The following TOGARAM1 variants were observed in gnomAD, a reference collection of about 807,000 sequenced individuals.
TOGARAM1 encodes the protein TOG array regulator of axonemal microtubules 1.
A neutral mutation model predicts 166.6 loss-of-function variants in TOGARAM1; 100 were observed. The observed-to-expected ratio is 0.60, with a 90% confidence interval of 0.51 to 0.71. The LOEUF (loss-of-function observed/expected upper bound fraction) is 0.71. TOGARAM1 is among the 30% of genes least tolerant of loss of function. The pLI is 0.00. For synonymous variants in TOGARAM1, 758 were observed against 763.8 expected (o/e 0.99, Z 0.13); for missense variants, 2,029 against 2,102.7 (o/e 0.96, Z 0.69).
chr14:45,007,081 T>G (rs1371219663), intron 5 of TOGARAM1: 1 of 151,932 alleles, frequency 6.6e-6, no homozygotes, highest in African/African-American at 2.4e-5. Flanking sequence ...AAAAAAAGTT[T>G]TATATTACAT....
intron 7 of TOGARAM1, among the ~76,000 whole-genome samples, chr14:45,023,681 T>A (rs1250569779): frequency 6.6e-6 from 1 of 152,172 alleles, no homozygotes; most frequent in Non-Finnish European, 1.5e-5. Flanking sequence ...CTTGCCCCGT[T>A]GGCAAGCTTA....
At chr14:45,055,777 C>T (rs1180260364) in intron 16 of TOGARAM1, among the ~76,000 whole-genome samples, 3 of 129,870 alleles carry the variant, frequency 2.3e-5, no homozygotes, top group African/African-American at 6.4e-5. Context: ...GGATTCCAGC[C>T]TGGGCAGAGT....
rs1301013890 is a variant in TOGARAM1 at position 45,015,307 on chromosome 14, A to T, written c.3238+3232A>T. Among the ~76,000 whole-genome samples, 14 of 146,788 alleles carry T rather than the reference A, an allele frequency of 9.5e-5. No homozygotes were observed. The East Asian group carries it at 1.6e-3, about 17-fold the overall frequency. On this transcript the variant is annotated intron_variant, in intron 7 of 19. Transcript: ENST00000361462. ...ATGACAGAGCAAGAGCCTATCTCAA[A>T]AAATAAATAAATAAATAAATAAATA...
chr14:44,985,115 G>A (rs1040825850), intron 1 of TOGARAM1, among the ~76,000 whole-genome samples: 1 of 152,082 alleles, frequency 6.6e-6, no homozygotes. Flanking sequence ...CCAGGTTCAA[G>A]TGATTCTCCT....
chr14:44,976,121 C>G (rs1417728400), intron 1 of TOGARAM1, among the ~76,000 whole-genome samples: 2 of 152,090 alleles, frequency 1.3e-5, no homozygotes, highest in East Asian at 1.9e-4. Context: ...AAATCTCACC[C>G]CGATAACACT....
At chr14:45,035,312 A>T (rs1313509973) in intron 11 of TOGARAM1, among the ~76,000 whole-genome samples, 3 of 152,000 alleles carry the variant, frequency 2.0e-5, no homozygotes, top group Non-Finnish European at 4.4e-5. Context: ...GTGAGCTGAG[A>T]TCGTACCACT....
At chr14:44,993,958 A>T (rs1887279015) in intron 1 of TOGARAM1, among the ~76,000 whole-genome samples, 1 of 152,240 alleles carries the variant, frequency 6.6e-6, no homozygotes, top group African/African-American at 2.4e-5. Flanking sequence ...CTGTATTAAT[A>T]CATCATCTTT....
At chr14:44,985,884 T>G (rs1178461338) in intron 1 of TOGARAM1, among the ~76,000 whole-genome samples, 1 of 152,238 alleles carries the variant, frequency 6.6e-6, no homozygotes, top group Non-Finnish European at 1.5e-5. Context: ...TTGTTCAGGA[T>G]CTAAAGAGTT....
intron 10 of TOGARAM1, among the ~76,000 whole-genome samples, chr14:45,028,735 G>C (rs1268896337): frequency 6.6e-6 from 1 of 152,096 alleles, no homozygotes; most frequent in African/African-American, 2.4e-5. Flanking sequence ...TCAAGAGTAG[G>C]CTCTATGTTT....
At position 45,025,836 on chromosome 14, in the gene TOGARAM1, G is replaced by T. The variant is rs760924411; in HGVS notation, c.3292G>T (p.Ala1098Ser). 4.4e-6 allele frequency: 7 copies of T among 1,608,932 alleles called. No homozygotes were observed. In the East Asian group the frequency reaches 1.6e-4, roughly 36 times the overall value. Residue 1098 changes from alanine (A) to serine (S), a missense_variant, in exon 8 of 20, where the codon GCT (alanine) becomes TCT (serine). By Grantham distance (99) the Ala-to-Ser change is moderately conservative. Transcript: ENST00000361462. ...CAGTTTTGACTTCACAACCACAAAG[G>T]CTTTATCAGAAGACTCAGTAGTAGT... Reference protein sequence around the residue: ...ISSFDFTTTKALSEDSVVVVG... With the variant: ...ISSFDFTTTKSLSEDSVVVVG...
At chr14:45,031,183 A>G (rs1273167454) in intron 10 of TOGARAM1, among the ~76,000 whole-genome samples, 1 of 152,196 alleles carries the variant, frequency 6.6e-6, no homozygotes, top group African/African-American at 2.4e-5. Context: ...TCTAGTGACT[A>G]ATATTTCCTT....
chr14:44,963,557 T>C lies in TOGARAM1; in HGVS notation c.1136T>C (p.Leu379Pro). Residue 379 changes from leucine (L) to proline (P), a missense_variant, in exon 1 of 20, where the codon CTG (leucine) becomes CCG (proline). Physicochemically the swap from Leu to Pro is moderately conservative, Grantham distance 98. Transcript: ENST00000361462. ...TQAVEELKQV[L>P]GKFNPSSTPH... ...GCCGTCGAAGAACTAAAGCAGGTGCTGGGAAAATTTAACCCTAGTTCTACT... is the reference window on the plus strand; with the variant it reads ...GCCGTCGAAGAACTAAAGCAGGTGCCGGGAAAATTTAACCCTAGTTCTACT... The C allele has an allele frequency of 6.2e-7, 1 of 1,613,872 alleles. No individual in the cohort carries two copies. The highest frequency in any genetic ancestry group is 1.1e-5 in the South Asian group (1 of 91,064).
At chr14:45,018,392 A>C (rs1030206238) in intron 7 of TOGARAM1, among the ~76,000 whole-genome samples, 1 of 152,058 alleles carries the variant, frequency 6.6e-6, no homozygotes, top group African/African-American at 2.4e-5. Context: ...GGTGCATGCC[A>C]CCACGCCTGG....
chr14:44,992,072 T>TAA lies in TOGARAM1; in HGVS notation c.2047-3646_2047-3645dup, dbSNP rs71108676. Among the ~76,000 whole-genome samples, 130 of 37,968 alleles carry TAA rather than the reference T, an allele frequency of 3.4e-3. 12 individuals are homozygous for TAA. The highest frequency in any genetic ancestry group is 0.01 in the African/African-American group (121 of 11,850). 24.9% of individuals were successfully genotyped at this position (37,968 alleles called of 152,430 possible). A position where few individuals can be genotyped will look rare whatever the true frequency, so the allele number is the denominator to read the frequency against. ...GAGAACATAGTGAGACCCTGTCTGT[T>TAA]AAAAAAAAAAAAAAAAAAAAAAAAA... is the stretch of plus-strand genomic sequence containing the variant. On this transcript the variant is annotated intron_variant, in intron 1 of 19. Transcript: ENST00000361462.
At chr14:44,975,171 A>G (rs1886110433) in intron 1 of TOGARAM1, among the ~76,000 whole-genome samples, 1 of 152,156 alleles carries the variant, frequency 6.6e-6, no homozygotes, top group Non-Finnish European at 1.5e-5. Context: ...TGTTTTCATT[A>G]GCCACTTTGA....
At chr14:45,030,657 C>G (rs145492366) in intron 10 of TOGARAM1, among the ~76,000 whole-genome samples, 21 of 152,194 alleles carry the variant, frequency 1.4e-4, no homozygotes, top group African/African-American at 4.8e-4. Context: ...ATATCATCTT[C>G]CTCACATAAC....
In TOGARAM1 at chr14:45,052,447, G is replaced by A. The variant is rs755533694; in HGVS notation, c.4325G>A (p.Arg1442Gln). ...DSSQETRYYG[R>Q]KMLFFMMCHP... Reference sequence around the variant, plus strand: ...TCAAATACTCACAGGTATTATGGTCGAAAGATGCTGTTCTTCATGATGTGT... The same window carrying A: ...TCAAATACTCACAGGTATTATGGTCAAAAGATGCTGTTCTTCATGATGTGT... The change falls in exon 15 of 20, where the codon CGA becomes CAA. Residue 1442 changes from arginine (R) to glutamine (Q), a missense_variant. Arg to Gln is a conservative substitution (Grantham distance 43). Around this residue, in one of 2 missense-constraint regions of TOGARAM1, gnomAD observed 576 missense variants for 670.5 expected, o/e 0.86. Coordinates refer to ENST00000361462, the MANE Select transcript of TOGARAM1 (RefSeq NM_001308120.2). The A allele has an allele frequency of 9.9e-6, 16 of 1,610,622 alleles. No individual in the cohort carries two copies. The highest frequency in any genetic ancestry group is 1.3e-5 in the African/African-American group (1 of 74,932).
Position 44,966,544 on chromosome 14 carries a change from C to G in TOGARAM1, c.2046+2077C>G, listed in dbSNP as rs1885550039. 1.3e-5 allele frequency among the ~76,000 whole-genome samples: 2 copies of G among 152,194 alleles called. 1 individual carries two copies. The highest frequency in any genetic ancestry group is 2.9e-5 in the Non-Finnish European group (2 of 68,014). Reference sequence around the variant, plus strand: ...TTTAAAAAATTGTGACATTTCTTCTCTGTTTACTACCTGCAATTCTTTTTT... The same window carrying G: ...TTTAAAAAATTGTGACATTTCTTCTGTGTTTACTACCTGCAATTCTTTTTT... On this transcript the variant is annotated intron_variant, in intron 1 of 19. Coordinates refer to ENST00000361462, the MANE Select transcript of TOGARAM1 (RefSeq NM_001308120.2).
intron 11 of TOGARAM1, among the ~76,000 whole-genome samples, chr14:45,038,732 G>GC (rs891621256): frequency 6.6e-6 from 1 of 152,172 alleles, no homozygotes; most frequent in African/African-American, 2.4e-5. Flanking sequence ...AATGTCATGA[G>GC]CGGTGGCAAA....
Sources: gnomAD v4.1 joint callset for allele counts (sites outside exome capture counted in the v4.1 genomes callset) on GRCh38, gnomAD v4.1.1 for gene constraint, gnomAD v4.1.1 regional missense constraint, MANE v1.5 for transcripts, NCBI Gene and HGNC (gene_info 2026-07-23, HGNC 2026-07-21) for gene names.